WDR7: variants seen among roughly 807,000 people sequenced by gnomAD.
The protein encoded by WDR7 is WD repeat domain 7.
A neutral mutation model predicts 169.4 loss-of-function variants in WDR7; 46 were observed. That is an observed-to-expected ratio of 0.27 (90% CI 0.21 to 0.35). The LOEUF (loss-of-function observed/expected upper bound fraction) is 0.35. Ranked by LOEUF, WDR7 falls within the 10% of genes least tolerant of loss-of-function variation. The pLI is 1.00. For synonymous variants in WDR7, 612 were observed against 666.8 expected (o/e 0.92, Z 1.27); for missense variants, 1,534 against 1,859.3 (o/e 0.83, Z 3.22).
chr18:56,743,191 T>C (rs1344903565), intron 14 of WDR7, among the ~76,000 whole-genome samples: 1 of 152,152 alleles, frequency 6.6e-6, no homozygotes, highest in Non-Finnish European at 1.5e-5. Context: ...GCAGGTTTTG[T>C]CCGGGATGAT....
chr18:56,789,511 T>A (rs2044452498), intron 19 of WDR7, among the ~76,000 whole-genome samples: 1 of 152,234 alleles, frequency 6.6e-6, no homozygotes, highest in Non-Finnish European at 1.5e-5. Flanking sequence ...TTTGCCATTT[T>A]GTGGAACAAA....
rs1309353654 is a variant in WDR7, at chr18:56,695,274, GT to G, written c.1357+81del. ...GAGAGTGAAAATGTCTCTGTTTTTT[GT>G]TTTTAAATAAATACAGTGAATCAGT... is the stretch of plus-strand genomic sequence containing the variant. On this transcript the variant is annotated intron_variant, in intron 11 of 27. Coordinates refer to ENST00000254442, the MANE Select transcript of WDR7 (RefSeq NM_015285.3). The G allele has an allele frequency of 7.1e-6, 11 of 1,538,514 alleles. No individual in the cohort carries two copies. The African/African-American group carries it at 1.5e-4, about 21-fold the overall frequency.
chr18:56,982,283 A>G (rs1407605873), intron 26 of WDR7, among the ~76,000 whole-genome samples: 1 of 152,230 alleles, frequency 6.6e-6, no homozygotes, highest in Non-Finnish European at 1.5e-5. Context: ...GAATATTCTT[A>G]AAAGAAATTA....
At chr18:57,011,787 A>G (rs1224146439) in intron 26 of WDR7, among the ~76,000 whole-genome samples, 4 of 150,138 alleles carry the variant, frequency 2.7e-5, no homozygotes, top group Non-Finnish European at 6.0e-5. Context: ...ACCCAATAAG[A>G]AAAGCTGAGT....
At chr18:56,906,542 T>G (rs1375430816) in intron 21 of WDR7, among the ~76,000 whole-genome samples, 1 of 102,922 alleles carries the variant, frequency 9.7e-6, no homozygotes, top group Non-Finnish European at 1.9e-5. Context: ...CTTTCTTTCC[T>G]TCTTTTTTTT....
rs1319494199 is a variant in WDR7, at chr18:56,686,940, G to A, written c.683G>A (p.Arg228Lys). 1 of 1,610,978 alleles carries A rather than the reference G, an allele frequency of 6.2e-7. No individual in the cohort carries two copies. The highest frequency in any genetic ancestry group is 1.3e-5 in the African/African-American group (1 of 74,852). The part of the protein sequence containing the change: ...QSISFCAFTQ[R>K]SLLVVCSKYW... ...ATCTCTTTTTGTGCATTTACACAAA[G>A]GTCACTTTTGGTTGTGTGTTCCAAA... The change falls in exon 7 of 28, where the codon AGG (arginine) becomes AAG (lysine). Residue 228 changes from arginine (R) to lysine (K), a missense_variant. By Grantham distance (26) the Arg-to-Lys change is conservative. Transcript: ENST00000254442.
chr18:56,905,985 T>C (rs1451270749), intron 21 of WDR7, among the ~76,000 whole-genome samples: 1 of 152,178 alleles, frequency 6.6e-6, no homozygotes, highest in Admixed American at 6.5e-5. Context: ...AATTCTTCTT[T>C]ATAACAATAT....
chr18:56,919,896 G>A (rs1161681743), intron 21 of WDR7, among the ~76,000 whole-genome samples: 1 of 152,112 alleles, frequency 6.6e-6, no homozygotes, highest in Non-Finnish European at 1.5e-5. Context: ...AAAATGAAAT[G>A]TGATCAGATC....
intron 20 of WDR7, among the ~76,000 whole-genome samples, chr18:56,860,529 C>T (rs1355200880): frequency 1.3e-5 from 2 of 152,040 alleles, no homozygotes; most frequent in Non-Finnish European, 1.5e-5. Context: ...TCATGAGTAA[C>T]CCTATAATAA....
intron 21 of WDR7, among the ~76,000 whole-genome samples, chr18:56,902,812 T>G (rs778727794): frequency 6.6e-6 from 1 of 152,238 alleles, no homozygotes; most frequent in Non-Finnish European, 1.5e-5. Flanking sequence ...GAGTGACTTA[T>G]GACTCAGTCT....
rs2048409678 is a variant in WDR7 at position 57,029,072 on chromosome 18, A to G, written c.*1865A>G. ...TACTTTATGAACTTAAATGGAAATTAATTTATTGTAGACTACATCTCTATT... is the reference window on the plus strand; with the variant it reads ...TACTTTATGAACTTAAATGGAAATTGATTTATTGTAGACTACATCTCTATT... On this transcript the variant is annotated 3_prime_UTR_variant, in exon 28 of 28. Coordinates refer to ENST00000254442, the MANE Select transcript of WDR7 (RefSeq NM_015285.3). 1 of 152,624 alleles carries G rather than the reference A, an allele frequency of 6.6e-6. No homozygotes were observed. The allele number at this position is 152,624 out of a possible 1,614,324, so 9.5% of individuals were successfully genotyped here.
intron 21 of WDR7, among the ~76,000 whole-genome samples, chr18:56,908,287 A>G (rs2046506778): frequency 6.6e-6 from 1 of 152,174 alleles, no homozygotes; most frequent in South Asian, 2.1e-4. Flanking sequence ...TCTCTGACTT[A>G]TTTTTATGTG....
At chr18:57,003,959 T>G (rs911363249) in intron 26 of WDR7, among the ~76,000 whole-genome samples, 19 of 152,142 alleles carry the variant, frequency 1.2e-4, no homozygotes, top group Admixed American at 6.5e-4. Flanking sequence ...TGTTATACCC[T>G]TCACATTATA....
intron 19 of WDR7, among the ~76,000 whole-genome samples, chr18:56,791,909 G>A (rs746436707): frequency 1.3e-5 from 2 of 152,138 alleles, no homozygotes; most frequent in South Asian, 4.1e-4. Flanking sequence ...ATTCTTGTAA[G>A]CCTTGTCTCC....
At chr18:56,926,446 G>A (rs1414650562) in intron 22 of WDR7, among the ~76,000 whole-genome samples, 1 of 152,220 alleles carries the variant, frequency 6.6e-6, no homozygotes, top group African/African-American at 2.4e-5. Context: ...CACAATTTCA[G>A]TAGTATACAC....
chr18:56,780,457 T>G (rs1051023029), intron 18 of WDR7, among the ~76,000 whole-genome samples: 1 of 152,218 alleles, frequency 6.6e-6, no homozygotes, highest in Non-Finnish European at 1.5e-5. Context: ...CAGAAGTCAC[T>G]TATACTTAAA....
chr18:56,756,903 G>T lies in WDR7; in HGVS notation c.2310G>T (p.Arg770Ser). 6.2e-7 allele frequency: 1 copy of T among 1,614,062 alleles called. No homozygotes were observed. Among genetic ancestry groups the T allele is most frequent in the South Asian group, 1.1e-5 (1 of 91,082 alleles). ...AAGAGGAGGATGAGGAGATAATGAG[G>T]CAGAGAAGGGAAGAAAGTGATCCTG... ...DDEEEDEEIM[R>S]QRREESDPEY... The change falls in exon 15 of 28, where the codon AGG becomes AGT. Residue 770 changes from arginine (R) to serine (S), a missense_variant. Coordinates refer to ENST00000254442, the MANE Select transcript of WDR7 (RefSeq NM_015285.3).
At chr18:56,874,670 ATAGTTT>A (rs1454703947) in intron 20 of WDR7, among the ~76,000 whole-genome samples, 2 of 152,150 alleles carry the variant, frequency 1.3e-5, no homozygotes, top group Non-Finnish European at 2.9e-5. Context: ...AGCAATTAGA[ATAGTTT>A]TAAAGATAAA....
At chr18:56,923,118 A>G (rs1435699406) in intron 21 of WDR7, among the ~76,000 whole-genome samples, 1 of 152,172 alleles carries the variant, frequency 6.6e-6, no homozygotes, top group Admixed American at 6.5e-5. Flanking sequence ...AAAAAAACAA[A>G]CAAACAAAAA....
Sources: allele counts gnomAD v4.1 joint callset (sites outside exome capture counted in the v4.1 genomes callset), GRCh38; gene constraint gnomAD v4.1.1; transcripts MANE v1.5; gene names NCBI Gene and HGNC (gene_info 2026-07-23, HGNC 2026-07-21).